Variants in CNTN5 observed in about 807,000 individuals in gnomAD.
CNTN5 encodes contactin 5, also known as contactin-5.
Under a neutral mutation model 129.1 loss-of-function variants are expected in CNTN5, and 77 were observed. The ratio of observed to expected loss-of-function variants is 0.60; its 90% CI spans 0.50 to 0.72. The LOEUF (loss-of-function observed/expected upper bound fraction) is 0.72. Among genes scored for constraint, CNTN5 ranks in the 30% least tolerant of loss-of-function variants. The pLI, the probability that CNTN5 is intolerant of heterozygous loss-of-function variation, is 0.00. For synonymous variants in CNTN5, 509 were observed against 465.6 expected (o/e 1.09, Z -1.20); for missense variants, 1,478 against 1,328.8 (o/e 1.11, Z -1.75).
At chr11:100,183,013 T>C (rs1948185165) in intron 13 of CNTN5, among the ~76,000 whole-genome samples, 1 of 152,136 alleles carries the variant, frequency 6.6e-6, no homozygotes, top group South Asian at 2.1e-4. Context: ...AATGAACATA[T>C]GAAAAATTGC....
rs1340274285 is a variant in CNTN5 at position 100,290,993 on chromosome 11, A to T, written c.2315-6632A>T. Among the ~76,000 whole-genome samples, 790 of 151,416 alleles carry T rather than the reference A, an allele frequency of 5.2e-3. 5 individuals carry two copies. Among genetic ancestry groups the T allele is most frequent in the Non-Finnish European group, 8.3e-3 (562 of 67,690 alleles). On this transcript the variant is annotated intron_variant, in intron 18 of 24. Coordinates refer to ENST00000524871, the MANE Select transcript of CNTN5 (RefSeq NM_014361.4). Reference sequence around the variant, plus strand: ...AAAAGAAGACATTTATGCAGCCAAAAAACACATGAAAAAATGCTCATCATC... The same window carrying T: ...AAAAGAAGACATTTATGCAGCCAAATAACACATGAAAAAATGCTCATCATC...
intron 3 of CNTN5, among the ~76,000 whole-genome samples, chr11:99,741,423 A>AG (rs1670377040): frequency 6.6e-6 from 1 of 152,090 alleles, no homozygotes; most frequent in Non-Finnish European, 1.5e-5. Flanking sequence ...CCTTAAGGTA[A>AG]GATAGGCTGC....
intron 13 of CNTN5, among the ~76,000 whole-genome samples, chr11:100,180,150 A>T (rs1055366306): frequency 1.3e-5 from 2 of 151,964 alleles, no homozygotes; most frequent in African/African-American, 4.8e-5. Flanking sequence ...AAGATGCAAA[A>T]TTCTTAGCAA....
chr11:99,195,010 A>G (rs1858830418), intron 1 of CNTN5, among the ~76,000 whole-genome samples: 1 of 152,196 alleles, frequency 6.6e-6, no homozygotes, highest in Non-Finnish European at 1.5e-5. Flanking sequence ...CCAATGATTC[A>G]AAGATTGAAT....
At chr11:99,209,628 C>T (rs1364309637) in intron 1 of CNTN5, among the ~76,000 whole-genome samples, 1 of 152,118 alleles carries the variant, frequency 6.6e-6, no homozygotes, top group Non-Finnish European at 1.5e-5. Context: ...AGAGAACAAA[C>T]ATCAAAACCA....
intron 18 of CNTN5, among the ~76,000 whole-genome samples, chr11:100,276,946 T>G (rs888786259): frequency 6.6e-6 from 1 of 152,070 alleles, no homozygotes; most frequent in African/African-American, 2.4e-5. Flanking sequence ...ATTAACCATC[T>G]TCCCTTCCCC....
At chr11:99,468,342 T>C (rs1425030747) in intron 2 of CNTN5, among the ~76,000 whole-genome samples, 1 of 152,204 alleles carries the variant, frequency 6.6e-6, no homozygotes, top group Non-Finnish European at 1.5e-5. Flanking sequence ...TATAGCATAG[T>C]ATCAACACAA....
At chr11:99,512,536 G>A (rs924511474) in intron 2 of CNTN5, among the ~76,000 whole-genome samples, 3 of 152,120 alleles carry the variant, frequency 2.0e-5, no homozygotes, top group Non-Finnish European at 4.4e-5. Flanking sequence ...TATTTATAAC[G>A]TGAAGGCTCG....
In CNTN5 at chr11:99,046,749, A is replaced by G. The variant is rs752349962; in HGVS notation, c.-210+25479A>G. Among the ~76,000 whole-genome samples, 20 of 152,252 alleles carry G rather than the reference A, an allele frequency of 1.3e-4. No individual in the cohort carries two copies. The Middle Eastern group carries it at 0.01, about 79-fold the overall frequency. On this transcript the variant is annotated intron_variant, in intron 1 of 24. Coordinates refer to ENST00000524871, the MANE Select transcript of CNTN5 (RefSeq NM_014361.4). The stretch of plus-strand genomic sequence containing the variant: ...AATACTACATAATACAAATAAGGAA[A>G]CTCAAATGTCTTACTAATAATGCAA...
intron 2 of CNTN5, among the ~76,000 whole-genome samples, chr11:99,368,981 A>C (rs929908285): frequency 6.6e-6 from 1 of 151,412 alleles, no homozygotes; most frequent in African/African-American, 2.4e-5. Context: ...CACAATTGGC[A>C]AAAGTTTTTG....
At chr11:99,482,731 G>C (rs764103731) in intron 2 of CNTN5, among the ~76,000 whole-genome samples, 55 of 152,014 alleles carry the variant, frequency 3.6e-4, no homozygotes, top group Non-Finnish European at 6.3e-4. Context: ...CTTGGGTATG[G>C]CACCAACTTA....
At chr11:99,723,036 C>T (rs1943224477) in intron 3 of CNTN5, among the ~76,000 whole-genome samples, 1 of 151,940 alleles carries the variant, frequency 6.6e-6, no homozygotes, top group African/African-American at 2.4e-5. Flanking sequence ...TGTTTCAACA[C>T]CAGCTATATT....
chr11:99,818,766 T>C (rs899423412), intron 3 of CNTN5, among the ~76,000 whole-genome samples: 1 of 152,200 alleles, frequency 6.6e-6, no homozygotes, highest in Non-Finnish European at 1.5e-5. Context: ...GGCAGGATGC[T>C]CAACCTTTCT....
chr11:99,614,682 C>A (rs557264874), intron 3 of CNTN5, among the ~76,000 whole-genome samples: 4 of 152,250 alleles, frequency 2.6e-5, no homozygotes, highest in East Asian at 3.9e-4. Context: ...GCTCCTCGAT[C>A]CAGGTGCTTA....
At chr11:100,019,174 TG>T (rs924643678) in intron 9 of CNTN5, among the ~76,000 whole-genome samples, 1 of 151,524 alleles carries the variant, frequency 6.6e-6, no homozygotes, top group Non-Finnish European at 1.5e-5. Context: ...TTCAATTTTT[TG>T]TGGGGATTGA....
At position 100,071,686 on chromosome 11, in the gene CNTN5, T is replaced by G; in HGVS notation, c.1300-19T>G. The G allele has an allele frequency of 6.5e-7, 1 of 1,533,070 alleles. No individual in the cohort carries two copies. The highest frequency in any genetic ancestry group is 1.4e-5 in the African/African-American group (1 of 72,328). The allele number at this position is 1,533,070 out of a possible 1,614,324, so 95.0% of individuals were successfully genotyped here. A position where few individuals can be genotyped will look rare whatever the true frequency, so the allele number is the denominator to read the frequency against. ...TATTTGTTTACTTTCTAGATCTAAT[T>G]TTTTTAATTCCATTACAGAGTAGGG... On this transcript the variant is annotated intron_variant, in intron 11 of 24. Coordinates refer to ENST00000524871, the MANE Select transcript of CNTN5 (RefSeq NM_014361.4).
intron 2 of CNTN5, among the ~76,000 whole-genome samples, chr11:99,516,851 T>A (rs1227595512): frequency 1.3e-5 from 2 of 152,156 alleles, no homozygotes; most frequent in Non-Finnish European, 2.9e-5. Flanking sequence ...AATTAGTCTG[T>A]GAGATACTTA....
chr11:99,989,421 G>C (rs1246704700), intron 8 of CNTN5, among the ~76,000 whole-genome samples: 1 of 151,774 alleles, frequency 6.6e-6, no homozygotes, highest in African/African-American at 2.4e-5. Context: ...ATTCACACAC[G>C]TCTTGGTGGC....
intron 23 of CNTN5, among the ~76,000 whole-genome samples, chr11:100,343,762 G>A (rs1302330595): frequency 6.6e-6 from 1 of 152,030 alleles, no homozygotes; most frequent in African/African-American, 2.4e-5. Context: ...AATATAGAAT[G>A]ACCAGGGCTG....
Sources: allele counts gnomAD v4.1 joint callset (sites outside exome capture counted in the v4.1 genomes callset), GRCh38; gene constraint gnomAD v4.1.1; transcripts MANE v1.5; gene names NCBI Gene and HGNC (gene_info 2026-07-23, HGNC 2026-07-21).